Variants in PAICS observed in about 807,000 individuals in gnomAD.
The protein encoded by PAICS is bifunctional phosphoribosylaminoimidazole carboxylase/phosphoribosylaminoimidazole succinocarboxamide synthetase.
In PAICS, 33 loss-of-function variants were observed where a neutral mutation model predicts 53.7. The observed-to-expected ratio is 0.61, with a 90% CI of 0.47 to 0.82. The LOEUF is 0.82. PAICS is among the 40% of genes least tolerant of loss of function. PAICS has a pLI of 0.00. For missense variants in PAICS, 394 were observed against 494.1 expected (o/e 0.80, Z 1.92); for synonymous variants, 141 against 167.2 (o/e 0.84, Z 1.21).
upstream of PAICS, among the ~76,000 whole-genome samples, chr4:56,432,082 T>C (rs1289048944): frequency 2.0e-5 from 3 of 152,236 alleles, no homozygotes; most frequent in Non-Finnish European, 4.4e-5. Flanking sequence ...TGATACTCTA[T>C]TTATTTTTAT....
chr4:56,458,999 G>A (rs1166647803), intron 8 of PAICS, among the ~76,000 whole-genome samples: 1 of 152,170 alleles, frequency 6.6e-6, no homozygotes. Flanking sequence ...TCTAAGAACA[G>A]GTACTTTTGT....
At chr4:56,416,306 A>G in the PAICS span, 2 of 226,852 alleles carry the variant, frequency 8.8e-6, no homozygotes, top group African/African-American at 2.3e-5. Context: ...AGCTATTAGA[A>G]TTATCAGTCA....
chr4:56,424,228 A>G, the PAICS span, among the ~76,000 whole-genome samples: 43 of 152,202 alleles, frequency 2.8e-4, 1 homozygote, highest in Admixed American at 3.3e-4. Flanking sequence ...CTTTACTTCA[A>G]ATGAAAATCC....
At chr4:56,429,309 T>C in the PAICS span, among the ~76,000 whole-genome samples, 1 of 152,168 alleles carries the variant, frequency 6.6e-6, no homozygotes, top group Non-Finnish European at 1.5e-5. Flanking sequence ...GTCCTTTAAA[T>C]TGTACTTTAC....
the PAICS span, among the ~76,000 whole-genome samples, chr4:56,423,739 T>C: frequency 6.6e-6 from 1 of 151,920 alleles, no homozygotes; most frequent in Non-Finnish European, 1.5e-5. Flanking sequence ...ACAGGACAAA[T>C]GCATAGTCAT....
upstream of PAICS, chr4:56,436,014 G>A: frequency 6.5e-7 from 1 of 1,527,972 alleles, no homozygotes; most frequent in Non-Finnish European, 8.8e-7. Flanking sequence ...GGCCGCCAGT[G>A]CGCGCCACTT....
chr4:56,424,940 G>T, the PAICS span, among the ~76,000 whole-genome samples: 1 of 152,190 alleles, frequency 6.6e-6, no homozygotes, highest in African/African-American at 2.4e-5. Flanking sequence ...AATAAGCATA[G>T]AAGTTTCATG....
the PAICS span, among the ~76,000 whole-genome samples, chr4:56,411,591 G>A: frequency 6.6e-6 from 1 of 152,116 alleles, no homozygotes; most frequent in Non-Finnish European, 1.5e-5. Flanking sequence ...CAAAGGGAGG[G>A]AAATCAATGA....
At chr4:56,428,262 T>C in the PAICS span, among the ~76,000 whole-genome samples, 2 of 152,162 alleles carry the variant, frequency 1.3e-5, no homozygotes, top group Non-Finnish European at 2.9e-5. Flanking sequence ...CTTTAGAAGA[T>C]GCTAAAAGTC....
rs1025330364 is a variant in PAICS, at chr4:56,444,929, T to G, written c.215-1766T>G. On this transcript the variant is annotated intron_variant, in intron 2 of 8. Coordinates refer to ENST00000512576, the MANE Select transcript of PAICS (RefSeq NM_001079524.2). ...TAACAGATCTAAGAGAGAAGAGCTCTTGAAACCAAGGATGTAGTTACCACC... is the reference window on the plus strand; with the variant it reads ...TAACAGATCTAAGAGAGAAGAGCTCGTGAAACCAAGGATGTAGTTACCACC... Among the ~76,000 whole-genome samples, 6 of 152,316 alleles carry G rather than the reference T, an allele frequency of 3.9e-5. No individual in the cohort carries two copies. In the East Asian group the frequency reaches 1.2e-3, roughly 29 times the overall value.
upstream of PAICS, among the ~76,000 whole-genome samples, chr4:56,434,186 C>T (rs769415861): frequency 4.1e-4 from 63 of 152,330 alleles, no homozygotes; most frequent in Non-Finnish European, 7.6e-4. Flanking sequence ...ATGCTTCCCA[C>T]ATTCTCAGCT....
the PAICS span, chr4:56,419,888 A>T: frequency 1.0e-6 from 1 of 984,520 alleles, no homozygotes; most frequent in Non-Finnish European, 1.2e-6. Context: ...AGATCGTAAG[A>T]ACAGCTCAAG....
At chr4:56,439,211 T>C (rs1367803218) in intron 1 of PAICS, among the ~76,000 whole-genome samples, 1 of 152,194 alleles carries the variant, frequency 6.6e-6, no homozygotes, top group African/African-American at 2.4e-5. Context: ...TGTTAATTTC[T>C]TTATCTGATC....
intron 1 of PAICS, among the ~76,000 whole-genome samples, chr4:56,440,493 C>G (rs1718281778): frequency 6.6e-6 from 1 of 152,182 alleles, no homozygotes; most frequent in African/African-American, 2.4e-5. Context: ...AGCCCCCACC[C>G]CTTCCCCTGC....
At chr4:56,422,062 G>A in the PAICS span, 1 of 152,378 alleles carries the variant, frequency 6.6e-6, no homozygotes, top group South Asian at 2.1e-4. Flanking sequence ...CTTGAGGCAG[G>A]AGTTTGAGAC....
intron 6 of PAICS, 45 bp from the exon 7 acceptor site, chr4:56,451,827 T>C: frequency 8.0e-7 from 1 of 1,248,556 alleles, no homozygotes; most frequent in Non-Finnish European, 1.1e-6. Flanking sequence ...CATTTATTCA[T>C]TTTTGTTTTT....
At chr4:56,440,946 T>C (rs1181639946) in intron 1 of PAICS, among the ~76,000 whole-genome samples, 1 of 152,194 alleles carries the variant, frequency 6.6e-6, no homozygotes, top group Non-Finnish European at 1.5e-5. Flanking sequence ...TGTGTACTTC[T>C]TAGGTTTTGT....
At chr4:56,419,731 C>T in the PAICS span, 1 of 982,726 alleles carries the variant, frequency 1.0e-6, no homozygotes, top group Non-Finnish European at 1.2e-6. Context: ...GACATCTGGT[C>T]TGATAAAAGC....
At chr4:56,417,842 G>T in the PAICS span, among the ~76,000 whole-genome samples, 2,738 of 135,592 alleles carry the variant, frequency 0.02, 103 homozygotes, top group African/African-American at 0.069. Context: ...TTGGTTTTTT[G>T]TTTTTTTTTT....
Sources: gnomAD v4.1 joint callset for allele counts (sites outside exome capture counted in the v4.1 genomes callset) on GRCh38, gnomAD v4.1.1 for gene constraint, MANE v1.5 for transcripts, NCBI Gene and HGNC (gene_info 2026-07-23, HGNC 2026-07-21) for gene names.